The following RIMKLA variants were observed in gnomAD, a reference collection of about 807,000 sequenced individuals.
The protein encoded by RIMKLA is N-acetylaspartylglutamate synthase A.
Under a neutral mutation model 32.7 loss-of-function variants are expected in RIMKLA, and 14 were observed. The ratio of observed to expected loss-of-function variants is 0.43; its 90% CI spans 0.28 to 0.67. The LOEUF is 0.67. Ranked by LOEUF, RIMKLA falls within the 30% of genes least tolerant of loss-of-function variation. The probability of loss-of-function intolerance (pLI) is 0.18; values close to 1 mark genes in which losing one functional copy is unlikely to be tolerated. For synonymous variants in RIMKLA, 176 were observed against 204.1 expected (o/e 0.86, Z 1.18); for missense variants, 410 against 519.0 (o/e 0.79, Z 2.04).
intron 4 of RIMKLA, among the ~76,000 whole-genome samples, chr1:42,413,501 CAAAAAAAAA>C (rs201462707): frequency 3.2e-5 from 4 of 125,586 alleles, no homozygotes; most frequent in African/African-American, 9.2e-5. Context: ...AAGAGTCTCT[CAAAAAAAAA>C]AAAAAAAAAA....
rs1308064040 is a variant in RIMKLA at position 42,419,176 on chromosome 1, T to A, written c.*4202T>A. 6.6e-6 allele frequency: 1 copy of A among 152,260 alleles called. No individual in the cohort carries two copies. Among genetic ancestry groups the A allele is most frequent in the Non-Finnish European group, 1.5e-5 (1 of 68,056 alleles). The allele number at this position is 152,260 out of a possible 1,614,324, so 9.4% of individuals were successfully genotyped here. On this transcript the variant is annotated 3_prime_UTR_variant, in exon 5 of 5. Transcript: ENST00000431473. Reference sequence around the variant, plus strand: ...CTAAATCATGCCTCCATTCCAGGTCTATGGCTAGACTCTGCAGCCCTCCCT... The same window carrying A: ...CTAAATCATGCCTCCATTCCAGGTCAATGGCTAGACTCTGCAGCCCTCCCT...
chr1:42,400,082 A>G (rs899146864), intron 2 of RIMKLA, among the ~76,000 whole-genome samples: 1 of 152,358 alleles, frequency 6.6e-6, no homozygotes, highest in African/African-American at 2.4e-5. Context: ...AGTTACGCTG[A>G]AGTTATCTAG....
At chr1:42,384,078 A>C (rs1642913525) in intron 1 of RIMKLA, among the ~76,000 whole-genome samples, 1 of 152,198 alleles carries the variant, frequency 6.6e-6, no homozygotes, top group African/African-American at 2.4e-5. Context: ...GCAGTGCCTC[A>C]GTCTATTGCT....
intron 1 of RIMKLA, among the ~76,000 whole-genome samples, chr1:42,383,498 G>T (rs1036051640): frequency 5.9e-5 from 9 of 152,166 alleles, no homozygotes; most frequent in Admixed American, 1.3e-4. Flanking sequence ...AATGAATGAG[G>T]ATATGATCTC....
At position 42,422,451 on chromosome 1, in the gene RIMKLA, C is replaced by T. The variant is rs1423428934; in HGVS notation, c.*7477C>T. 1 of 152,228 alleles carries T rather than the reference C, an allele frequency of 6.6e-6. No homozygotes were observed. The highest frequency in any genetic ancestry group is 2.4e-5 in the African/African-American group (1 of 41,456). The allele number at this position is 152,228 out of a possible 1,614,324, so 9.4% of individuals were successfully genotyped here. On this transcript the variant is annotated 3_prime_UTR_variant, in exon 5 of 5. Coordinates refer to ENST00000431473, the MANE Select transcript of RIMKLA (RefSeq NM_173642.4). ...CTGAAAAGAATACATCTTAACTAGG[C>T]ACCAGAATAGCTCATTTCCAAGTGG...
chr1:42,411,977 A>G (rs1395888263), intron 4 of RIMKLA, among the ~76,000 whole-genome samples: 2 of 151,998 alleles, frequency 1.3e-5, no homozygotes, highest in African/African-American at 4.8e-5. Flanking sequence ...GCCCATTTTC[A>G]TGATCATGCT....
At chr1:42,389,844 G>T (rs549461735) in intron 1 of RIMKLA, among the ~76,000 whole-genome samples, 33 of 151,968 alleles carry the variant, frequency 2.2e-4, no homozygotes, top group Non-Finnish European at 4.3e-4. Flanking sequence ...AGATGAAGTC[G>T]GATGAGGAAT....
chr1:42,381,358 A>C (rs1038637815), intron 1 of RIMKLA, among the ~76,000 whole-genome samples: 4 of 152,240 alleles, frequency 2.6e-5, no homozygotes, highest in African/African-American at 4.8e-5. Context: ...GAGAAACCCG[A>C]ATTCACCTGA....
chr1:42,412,196 C>T (rs1174374346), intron 4 of RIMKLA, among the ~76,000 whole-genome samples: 3 of 152,210 alleles, frequency 2.0e-5, no homozygotes, highest in Non-Finnish European at 4.4e-5. Flanking sequence ...ACTAGTTATT[C>T]GACCTGAGAA....
In RIMKLA at chr1:42,381,055, C is replaced by G. The variant is rs1451188363; in HGVS notation, c.121C>G (p.Leu41Val). Residue 41 changes from leucine to valine, a missense_variant, in exon 1 of 5, where the codon CTT becomes GTT. Leu to Val is a conservative substitution (Grantham distance 32). Transcript: ENST00000431473. ...SEQDVRFRAV[L>V]MDQIAVTIVG... ...GCAGGACGTGCGCTTCCGGGCGGTG[C>G]TTATGGACCAGATCGCCGTCACCAT... 2.3e-6 allele frequency: 3 copies of G among 1,314,798 alleles called. No individual in the cohort carries two copies. Among genetic ancestry groups the G allele is most frequent in the South Asian group, 4.0e-5 (2 of 49,730 alleles). The allele number at this position is 1,314,798 out of a possible 1,614,324, so 81.4% of individuals were successfully genotyped here.
intron 1 of RIMKLA, among the ~76,000 whole-genome samples, chr1:42,396,236 CAAAAAAAAAAA>C (rs11363612): frequency 4.9e-5 from 3 of 60,908 alleles, no homozygotes; most frequent in South Asian, 9.3e-4. Context: ...AACTCCATCT[CAAAAAAAAAAA>C]AAAAAAAAAA....
intron 2 of RIMKLA, 68 bp downstream of exon 2, chr1:42,399,702 G>A: frequency 7.2e-6 from 7 of 966,886 alleles, no homozygotes; most frequent in Non-Finnish European, 1.1e-5. Flanking sequence ...AAACCTTCTA[G>A]TATCTTTGTT....
At chr1:42,385,717 C>CTCTCTCTTTCTT (rs1642929977) in intron 1 of RIMKLA, among the ~76,000 whole-genome samples, 1 of 109,040 alleles carries the variant, frequency 9.2e-6, no homozygotes, top group South Asian at 3.3e-4. Flanking sequence ...TTCTTTCCTT[C>CTCTCTCTTTCTT]TCTTTCTTTC....
In RIMKLA at chr1:42,414,891, A is replaced by G. The variant is rs149146035; in HGVS notation, c.1093A>G (p.Thr365Ala). ...AGAGATCCGGGATTCCTCAGCAAGC[A>G]CAATGGGGGCCCCACCCTCCATGCT... ...LGEIRDSSAS[T>A]MGAPPSMLPE... Residue 365 changes from threonine (T) to alanine (A), a missense_variant, in exon 5 of 5, where the codon ACA (threonine) becomes GCA (alanine). By Grantham distance (58) the Thr-to-Ala change is moderately conservative (BLOSUM62 0). Transcript: ENST00000431473. 6.2e-6 allele frequency: 10 copies of G among 1,614,218 alleles called. No homozygotes were observed. In the East Asian group the frequency reaches 2.2e-4, roughly 36 times the overall value.
In RIMKLA at chr1:42,414,770, C is replaced by T. The variant is rs762275118; in HGVS notation, c.972C>T (p.Asn324=). 32 of 1,613,988 alleles carry T rather than the reference C, an allele frequency of 2.0e-5. No homozygotes were observed. Among genetic ancestry groups the T allele is most frequent in the South Asian group, 8.8e-5 (8 of 91,086 alleles). ...LPGLSSPREK[N]EPDGCASAQG... ...GACTGTCGAGTCCAAGGGAGAAGAA[C>T]GAGCCGGATGGCTGTGCTTCAGCTC... The change falls in exon 5 of 5, where the codon AAC becomes AAT. Residue 324 remains asparagine, a synonymous_variant. Transcript: ENST00000431473.
Position 42,380,854 on chromosome 1 carries a change from G to A in RIMKLA, c.-81G>A, listed in dbSNP as rs1235241205. On this transcript the variant is annotated 5_prime_UTR_variant, in exon 1 of 5. Transcript: ENST00000431473. ...GGCGCGCTCGCCCCGGACGCCGGCC[G>A]CCCCTCCGCTCGCCCTACTGAGCGA... 1 of 959,240 alleles carries A rather than the reference G, an allele frequency of 1.0e-6. No individual in the cohort carries two copies. Among genetic ancestry groups the A allele is most frequent in the Non-Finnish European group, 1.3e-6 (1 of 765,828 alleles). The allele number at this position is 959,240 out of a possible 1,614,324, so 59.4% of individuals were successfully genotyped here. A position where few individuals can be genotyped will look rare whatever the true frequency, so the allele number is the denominator to read the frequency against.
At chr1:42,384,783 CTT>C (rs1642923117) in intron 1 of RIMKLA, among the ~76,000 whole-genome samples, 1 of 151,990 alleles carries the variant, frequency 6.6e-6, no homozygotes, top group African/African-American at 2.4e-5. Context: ...GGTCTAAACA[CTT>C]TGTCTCCTCT....
Position 42,416,045 on chromosome 1 carries a change from G to A in RIMKLA, c.*1071G>A, listed in dbSNP as rs1643243729. On this transcript the variant is annotated 3_prime_UTR_variant, in exon 5 of 5. Transcript: ENST00000431473. ...CCTGTCCTTACCCACTTTTCCAAAC[G>A]GGGAAGACTCAGGTATCAGGAATTA... 1 of 142,592 alleles carries A rather than the reference G, an allele frequency of 7.0e-6. No individual in the cohort carries two copies. Among genetic ancestry groups the A allele is most frequent in the East Asian group, 2.3e-4 (1 of 4,394 alleles). The allele number at this position is 142,592 out of a possible 1,614,324, so 8.8% of individuals were successfully genotyped here.
At chr1:42,392,997 A>C (rs898378038) in intron 1 of RIMKLA, among the ~76,000 whole-genome samples, 2 of 152,014 alleles carry the variant, frequency 1.3e-5, no homozygotes, top group African/African-American at 4.8e-5. Context: ...GTCTCAAAAC[A>C]AAAACTTGAA....
Sources: allele counts gnomAD v4.1 joint callset (sites outside exome capture counted in the v4.1 genomes callset), GRCh38; gene constraint gnomAD v4.1.1; transcripts MANE v1.5; gene names NCBI Gene and HGNC (gene_info 2026-07-23, HGNC 2026-07-21).